BORCS5: variants seen among roughly 807,000 people sequenced by gnomAD.
BORCS5 encodes the protein BLOC-1 related complex subunit 5, also known as BLOC-1-related complex subunit 5.
A neutral mutation model predicts 22.1 loss-of-function variants in BORCS5; 17 were observed. The ratio of observed to expected loss-of-function variants is 0.77; its 90% CI spans 0.53 to 1.15. The LOEUF is 1.15. BORCS5 is among the 50% of genes most tolerant of loss of function. The probability of loss-of-function intolerance (pLI) is 0.00; values close to 1 mark genes in which losing one functional copy is unlikely to be tolerated. For synonymous variants in BORCS5, 117 were observed against 99.8 expected (o/e 1.17, Z -1.03); for missense variants, 247 against 253.2 (o/e 0.98, Z 0.17).
chr12:12,365,908 A>G (rs1300530609), intron 2 of BORCS5, among the ~76,000 whole-genome samples: 10 of 152,216 alleles, frequency 6.6e-5, no homozygotes, highest in Admixed American at 5.9e-4. Flanking sequence ...AGCAAAGCCC[A>G]TTATAGAAAT....
chr12:12,433,061 C>T (rs1411086591), intron 2 of BORCS5, among the ~76,000 whole-genome samples: 1 of 152,038 alleles, frequency 6.6e-6, no homozygotes, highest in Non-Finnish European at 1.5e-5. Flanking sequence ...GGGCTGGGCA[C>T]AGTGGCTCAT....
intron 1 of BORCS5, 87 bp from the exon 2 acceptor site, chr12:12,361,119 T>C (rs1014039676): frequency 1.5e-6 from 2 of 1,319,684 alleles, no homozygotes; most frequent in African/African-American, 1.5e-5. Flanking sequence ...TATAAAATTA[T>C]TCTTTTTAAT....
intron 2 of BORCS5, among the ~76,000 whole-genome samples, chr12:12,372,166 A>C (rs770793771): frequency 2.6e-5 from 4 of 151,994 alleles, no homozygotes; most frequent in Non-Finnish European, 4.4e-5. Context: ...TAGTCTCCTG[A>C]GTAGCTGGGA....
intron 2 of BORCS5, among the ~76,000 whole-genome samples, chr12:12,430,385 T>C (rs924294835): frequency 1.3e-5 from 2 of 152,086 alleles, no homozygotes; most frequent in South Asian, 2.1e-4. Flanking sequence ...TCTCCTGACC[T>C]CGTGATTCGC....
At chr12:12,401,316 C>T (rs981869572) in intron 2 of BORCS5, among the ~76,000 whole-genome samples, 8 of 152,034 alleles carry the variant, frequency 5.3e-5, no homozygotes, top group African/African-American at 1.5e-4. Context: ...TCAGTAAAAC[C>T]GGATATTGTC....
intron 2 of BORCS5, among the ~76,000 whole-genome samples, chr12:12,372,804 G>A (rs1299934565): frequency 2.0e-5 from 3 of 152,030 alleles, no homozygotes; most frequent in African/African-American, 7.2e-5. Flanking sequence ...CCAGTCTCTG[G>A]AATTTCACCT....
At chr12:12,459,214 G>A (rs910035077) in intron 3 of BORCS5, among the ~76,000 whole-genome samples, 2 of 151,956 alleles carry the variant, frequency 1.3e-5, no homozygotes, top group African/African-American at 4.8e-5. Context: ...ATCTTTTTAA[G>A]AGAAGTTTTT....
At chr12:12,417,773 T>A (rs957741558) in intron 2 of BORCS5, among the ~76,000 whole-genome samples, 21 of 151,936 alleles carry the variant, frequency 1.4e-4, no homozygotes, top group African/African-American at 4.1e-4. Flanking sequence ...CTCAGCCTCC[T>A]GAGTAGGTAG....
Position 12,437,667 on chromosome 12 carries a change from T to G in BORCS5, c.360+1882T>G, listed in dbSNP as rs566158341. Among the ~76,000 whole-genome samples the G allele has an allele frequency of 1.5e-3, 227 of 152,342 alleles. 1 individual carries two copies. The highest frequency in any genetic ancestry group is 5.1e-3 in the African/African-American group (213 of 41,576). Reference sequence around the variant, plus strand: ...CCAGACTTTTGAAACTTAGTTGACCTCAGAACACTTATCTTAGGTAACATT... The same window carrying G: ...CCAGACTTTTGAAACTTAGTTGACCGCAGAACACTTATCTTAGGTAACATT... On this transcript the variant is annotated intron_variant, in intron 3 of 3. Coordinates refer to ENST00000314565, the MANE Select transcript of BORCS5 (RefSeq NM_058169.6).
intron 2 of BORCS5, among the ~76,000 whole-genome samples, chr12:12,419,425 T>A (rs1265618352): frequency 1.3e-5 from 2 of 152,224 alleles, no homozygotes; most frequent in Admixed American, 1.3e-4. Context: ...GTGCCACATT[T>A]TCTTAATCCA....
intron 3 of BORCS5, among the ~76,000 whole-genome samples, chr12:12,464,836 G>A (rs1291260885): frequency 1.3e-5 from 2 of 151,220 alleles, no homozygotes; most frequent in Admixed American, 6.6e-5. Flanking sequence ...TTGTAAGGAC[G>A]GGAGCCTTGG....
intron 3 of BORCS5, among the ~76,000 whole-genome samples, chr12:12,454,424 T>A (rs1942964759): frequency 6.6e-6 from 1 of 152,212 alleles, no homozygotes. Context: ...TTTTCTAATG[T>A]CCAGTGATGT....
chr12:12,386,420 T>A (rs1012260422), intron 2 of BORCS5, among the ~76,000 whole-genome samples: 14 of 150,790 alleles, frequency 9.3e-5, no homozygotes, highest in African/African-American at 3.4e-4. Context: ...TTAGTGTAAT[T>A]TCAGTGTGGT....
Position 12,465,564 on chromosome 12 carries a change from A to G in BORCS5, c.379A>G (p.Thr127Ala), listed in dbSNP as rs1565944114. The G allele has an allele frequency of 3.7e-6, 6 of 1,614,102 alleles. No homozygotes were observed. The highest frequency in any genetic ancestry group is 5.1e-6 in the Non-Finnish European group (6 of 1,179,998). Residue 127 changes from threonine (T) to alanine (A), a missense_variant, in exon 4 of 4, where the codon ACT becomes GCT. Thr to Ala is a moderately conservative substitution (Grantham distance 58). Coordinates refer to ENST00000314565, the MANE Select transcript of BORCS5 (RefSeq NM_058169.6). The stretch of plus-strand genomic sequence containing the variant: ...TCCACAGATGGATCTGTCTGTAGAA[A>G]CTCTGTTCAGCTTCATGCAGGAGCG... Reference protein sequence around the residue: ...RIKEMDLSVETLFSFMQERQK... With the variant: ...RIKEMDLSVEALFSFMQERQK...
intron 2 of BORCS5, among the ~76,000 whole-genome samples, chr12:12,376,448 T>C (rs938171314): frequency 6.6e-6 from 1 of 152,064 alleles, no homozygotes; most frequent in African/African-American, 2.4e-5. Context: ...TTAGCCAGGA[T>C]AGTCTCTATC....
intron 2 of BORCS5, among the ~76,000 whole-genome samples, chr12:12,424,177 C>T (rs779073640): frequency 4.6e-5 from 7 of 152,124 alleles, no homozygotes; most frequent in Admixed American, 6.5e-5. Context: ...ACAATGCATA[C>T]GGTTATCCAC....
intron 3 of BORCS5, among the ~76,000 whole-genome samples, chr12:12,465,202 G>A (rs528719665): frequency 2.6e-5 from 4 of 152,254 alleles, no homozygotes; most frequent in South Asian, 2.1e-4. Context: ...GCTCATACAC[G>A]TGACAGAGCC....
chr12:12,435,346 C>G (rs1942532303), intron 2 of BORCS5, among the ~76,000 whole-genome samples: 1 of 152,200 alleles, frequency 6.6e-6, no homozygotes, highest in African/African-American at 2.4e-5. Context: ...CTTAACTTCT[C>G]TGTGTCTTGG....
intron 2 of BORCS5, among the ~76,000 whole-genome samples, chr12:12,422,407 C>T (rs868254731): frequency 5.9e-5 from 9 of 151,922 alleles, no homozygotes; most frequent in East Asian, 3.9e-4. Flanking sequence ...TGAGGTCAGG[C>T]GTTCAAGACC....
Sources: gnomAD v4.1 joint callset for allele counts (sites outside exome capture counted in the v4.1 genomes callset) on GRCh38, gnomAD v4.1.1 for gene constraint, MANE v1.5 for transcripts, NCBI Gene and HGNC (gene_info 2026-07-23, HGNC 2026-07-21) for gene names.